Variants in FNTB observed in about 807,000 individuals in gnomAD.
FNTB encodes the protein protein farnesyltransferase subunit beta.
In FNTB, 27 loss-of-function variants were observed where a neutral mutation model predicts 59.4. That is an observed-to-expected ratio of 0.45 (90% CI 0.34 to 0.63). FNTB has a LOEUF of 0.63. FNTB is among the 20% of genes least tolerant of loss of function. FNTB has a pLI of 0.02. For missense variants in FNTB, 449 were observed against 559.6 expected, an observed-to-expected ratio of 0.80 and a Z score of 1.99; for synonymous variants, 230 against 220.7, an observed-to-expected ratio of 1.04 and a Z score of -0.37.
In FNTB at chr14:64,987,062, G is replaced by T; in HGVS notation, c.109G>T (p.Asp37Tyr). Residue 37 changes from aspartate to tyrosine, a missense_variant, in exon 1 of 12, where the codon GAC (aspartate) becomes TAC (tyrosine). Physicochemically the swap from Asp to Tyr is radical, Grantham distance 160. Transcript: ENST00000246166. ...RPEHARERLQ[D>Y]DSVETVTSIE... Reference sequence around the variant, plus strand: ...CGAGCACGCGCGAGAGCGGTTGCAGGACGACTCGGTGGAAACAGTCACGTC... The same window carrying T: ...CGAGCACGCGCGAGAGCGGTTGCAGTACGACTCGGTGGAAACAGTCACGTC... 1 of 1,614,262 alleles carries T rather than the reference G, an allele frequency of 6.2e-7. No individual in the cohort carries two copies. The highest frequency in any genetic ancestry group is 8.5e-7 in the Non-Finnish European group (1 of 1,180,048).
intron 1 of FNTB, among the ~76,000 whole-genome samples, chr14:64,988,343 A>G (rs957821807): frequency 2.6e-5 from 4 of 152,192 alleles, no homozygotes; most frequent in East Asian, 1.9e-4. Context: ...CCATTGATGA[A>G]AAACCTACAG....
rs2062020991 is a variant in FNTB, at chr14:65,028,343, C to G, written c.605+562C>G. Among the ~76,000 whole-genome samples the G allele has an allele frequency of 6.6e-6, 1 of 152,198 alleles. No homozygotes were observed. The highest frequency in any genetic ancestry group is 1.9e-4 in the East Asian group (1 of 5,204). On this transcript the variant is annotated intron_variant, in intron 6 of 11. Coordinates refer to ENST00000246166, the MANE Select transcript of FNTB (RefSeq NM_002028.4). This position sits in a 1 kb window ranked among gnomAD's most constrained non-coding sequence, Gnocchi z 4.4. ...TTTCTTCCATAAGTGTCTGATGTACCAAGCAAGTTGCTTCCTCACCTGGCA... is the reference window on the plus strand; with the variant it reads ...TTTCTTCCATAAGTGTCTGATGTACGAAGCAAGTTGCTTCCTCACCTGGCA...
intron 1 of FNTB, among the ~76,000 whole-genome samples, chr14:65,003,110 A>G (rs2061538767): frequency 2.0e-5 from 3 of 152,280 alleles, no homozygotes; most frequent in African/African-American, 7.2e-5. Context: ...GGGCGGTTTT[A>G]GCATTATGGT....
chr14:65,053,265 G>A lies in FNTB; in HGVS notation c.983G>A (p.Trp328Ter). ...QGDPALSMSH[W>*]MFHQQALQEY... ...GACCCTGCCCTTAGCATGAGCCACT[G>A]GATGTTCCATCAGCAGGCCCTGCAG... is the stretch of plus-strand genomic sequence containing the variant. The change falls in exon 10 of 12, where the codon TGG becomes TAG. Residue 328 changes from tryptophan to a stop codon, truncating the protein, a stop_gained. Transcript: ENST00000246166. LOFTEE classifies it high-confidence loss of function. The A allele has an allele frequency of 6.9e-7, 1 of 1,441,088 alleles. No homozygotes were observed. The highest frequency in any genetic ancestry group is 9.2e-7 in the Non-Finnish European group (1 of 1,086,818). 89.3% of individuals were successfully genotyped at this position (1,441,088 alleles called of 1,614,324 possible).
chr14:65,032,831 T>A lies in FNTB; in HGVS notation c.692+135T>A, dbSNP rs1468941665. Reference sequence around the variant, plus strand: ...CAGGAGATCCATTAGGGTTATCTAATGATTTTTTTAAATACTTAAAATGTC... The same window carrying A: ...CAGGAGATCCATTAGGGTTATCTAAAGATTTTTTTAAATACTTAAAATGTC... On this transcript the variant is annotated intron_variant, in intron 7 of 11. Transcript: ENST00000246166. The surrounding 1 kb of genome is among the most constrained non-coding windows in gnomAD (Gnocchi z 5.0). 2.8e-6 allele frequency: 2 copies of A among 716,354 alleles called. No individual in the cohort carries two copies. The highest frequency in any genetic ancestry group is 4.1e-6 in the Non-Finnish European group (2 of 485,960). The allele number at this position is 716,354 out of a possible 1,614,324, so 44.4% of individuals were successfully genotyped here.
Position 65,053,348 on chromosome 14 carries a change from AAGTG to A in FNTB, c.1067+4_1067+7del, listed in dbSNP as rs2062654343. Reference sequence around the variant, plus strand: ...GGGGGGGCTTCTGGATAAACCTGGCAAGTGAGTGTTTTCTCTCTGGGGAGGGAAG... The same window carrying A: ...GGGGGGGCTTCTGGATAAACCTGGCAAGTGTTTTCTCTCTGGGGAGGGAAG... On this transcript the variant is annotated splice_donor_variant and splice_donor_region_variant and coding_sequence_variant and intron_variant, in exon 10 of 12. Transcript: ENST00000246166. LOFTEE classifies it high-confidence loss of function. 7.0e-7 allele frequency: 1 copy of A among 1,426,952 alleles called. No individual in the cohort carries two copies. Among genetic ancestry groups the A allele is most frequent in the Non-Finnish European group, 9.2e-7 (1 of 1,082,570 alleles). 88.4% of individuals were successfully genotyped at this position (1,426,952 alleles called of 1,614,324 possible). A position where few individuals can be genotyped will look rare whatever the true frequency, so the allele number is the denominator to read the frequency against.
Position 65,032,012 on chromosome 14 carries a change from G to A in FNTB, c.606-598G>A, listed in dbSNP as rs960311855. On this transcript the variant is annotated intron_variant, in intron 6 of 11. Transcript: ENST00000246166. The surrounding 1 kb of genome is among the most constrained non-coding windows in gnomAD (Gnocchi z 5.0). The stretch of plus-strand genomic sequence containing the variant: ...TGTGTGTGTGTGTGTGTGTGTGTGT[G>A]TGTGTGTACTGGTGAGAGGTTTGAA... 6.6e-6 allele frequency among the ~76,000 whole-genome samples: 1 copy of A among 151,746 alleles called. No individual in the cohort carries two copies. The highest frequency in any genetic ancestry group is 2.1e-4 in the South Asian group (1 of 4,804).
intron 2 of FNTB, among the ~76,000 whole-genome samples, chr14:65,004,878 G>A (rs576515182): frequency 6.6e-6 from 1 of 152,218 alleles, no homozygotes; most frequent in South Asian, 2.1e-4. Flanking sequence ...GGCCAGTCTT[G>A]TCTTAAACTC....
Position 65,047,646 on chromosome 14 carries a change from C to T in FNTB, c.955+3203C>T, listed in dbSNP as rs1253038910. Reference sequence around the variant, plus strand: ...TATAAGGGCACTTACCCTTTGAACACAGCAAGTGCACTGTCAGGAATTTAC... The same window carrying T: ...TATAAGGGCACTTACCCTTTGAACATAGCAAGTGCACTGTCAGGAATTTAC... On this transcript the variant is annotated intron_variant, in intron 9 of 11. Transcript: ENST00000246166. The surrounding 1 kb of genome is among the most constrained non-coding windows in gnomAD (Gnocchi z 5.2). Among the ~76,000 whole-genome samples the T allele has an allele frequency of 6.6e-6, 1 of 152,186 alleles. No individual in the cohort carries two copies. Among genetic ancestry groups the T allele is most frequent in the Non-Finnish European group, 1.5e-5 (1 of 68,032 alleles).
intron 9 of FNTB, among the ~76,000 whole-genome samples, chr14:65,045,334 T>C (rs549751398): frequency 6.6e-6 from 1 of 152,208 alleles, no homozygotes; most frequent in South Asian, 2.1e-4. Flanking sequence ...ATGTAACTGC[T>C]CAAATGTAAA....
intron 4 of FNTB, among the ~76,000 whole-genome samples, chr14:65,018,893 C>T (rs2061832037): frequency 6.6e-6 from 1 of 151,766 alleles, no homozygotes; most frequent in African/African-American, 2.4e-5. Context: ...GGTGGATCAC[C>T]TGAGGTCGGG....
At chr14:64,992,193 T>C (rs1486198714) in intron 1 of FNTB, among the ~76,000 whole-genome samples, 2 of 152,196 alleles carry the variant, frequency 1.3e-5, no homozygotes, top group African/African-American at 2.4e-5. Flanking sequence ...ATTCAGCATA[T>C]ACCATATTGC....
At chr14:65,033,398 A>C (rs2062123779) in intron 7 of FNTB, among the ~76,000 whole-genome samples, 1 of 152,234 alleles carries the variant, frequency 6.6e-6, no homozygotes, top group Admixed American at 6.5e-5. Context: ...CGCTGAGGGG[A>C]GAGCAAAGGA....
chr14:65,008,918 C>T (rs1400621302), intron 2 of FNTB, among the ~76,000 whole-genome samples: 1 of 152,202 alleles, frequency 6.6e-6, no homozygotes, highest in Non-Finnish European at 1.5e-5. Flanking sequence ...TACCCACTTG[C>T]TCTCCTGTCA....
At chr14:65,003,258 T>G (rs1467214929) in intron 1 of FNTB, 1 of 152,230 alleles carries the variant, frequency 6.6e-6, no homozygotes, top group Non-Finnish European at 1.5e-5. Flanking sequence ...ACAATTGATG[T>G]TGTTATAAAT....
At chr14:65,006,098 G>A (rs2061582334) in intron 2 of FNTB, 3 of 1,570,578 alleles carry the variant, frequency 1.9e-6, no homozygotes, top group Non-Finnish European at 2.6e-6. Context: ...CAGTCTCTAG[G>A]TACTTCTGCT....
chr14:65,037,662 T>C (rs1468792100), intron 7 of FNTB, among the ~76,000 whole-genome samples: 3 of 149,856 alleles, frequency 2.0e-5, no homozygotes, highest in Non-Finnish European at 4.4e-5. Flanking sequence ...TGGGCTGACG[T>C]AATCCTCCTG....
chr14:65,031,978 A>ATGTG lies in FNTB; in HGVS notation c.606-632_606-631insTGTG, dbSNP rs2062093881. ...TATAGACGTGCGCCTTTTTCATTTA[A>ATGTG]CGTGTGTGTGTGTGTGTGTGTGTGT... On this transcript the variant is annotated intron_variant, in intron 6 of 11. Transcript: ENST00000246166. This position sits in a 1 kb window ranked among gnomAD's most constrained non-coding sequence, Gnocchi z 4.6. Among the ~76,000 whole-genome samples, 1 of 111,552 alleles carries ATGTG rather than the reference A, an allele frequency of 9.0e-6. No individual in the cohort carries two copies. Among genetic ancestry groups the ATGTG allele is most frequent in the Non-Finnish European group, 1.8e-5 (1 of 54,742 alleles). The allele number at this position is 111,552 out of a possible 152,430, so 73.2% of individuals were successfully genotyped here.
intron 2 of FNTB, among the ~76,000 whole-genome samples, chr14:65,005,498 TTTC>T (rs2061570541): frequency 7.5e-6 from 1 of 134,078 alleles, no homozygotes; most frequent in African/African-American, 3.2e-5. Flanking sequence ...TCTTTCTTTC[TTTC>T]TTTCTTTCTT....
Sources: allele counts gnomAD v4.1 joint callset (sites outside exome capture counted in the v4.1 genomes callset), GRCh38; gene constraint gnomAD v4.1.1; non-coding constraint Gnocchi (gnomAD v3.1); transcripts MANE v1.5; gene names NCBI Gene and HGNC (gene_info 2026-07-23, HGNC 2026-07-21).